SRSF4: variants seen among roughly 807,000 people sequenced by gnomAD.
SRSF4 encodes the protein serine and arginine rich splicing factor 4, also known as serine/arginine-rich splicing factor 4.
A neutral mutation model predicts 48.8 loss-of-function variants in SRSF4; 12 were observed. That is an observed-to-expected ratio of 0.25 (90% confidence interval 0.16 to 0.40). SRSF4 has a LOEUF of 0.40. SRSF4 is among the 10% of genes least tolerant of loss of function. The pLI is 1.00. For synonymous variants in SRSF4, 248 were observed against 232.5 expected (o/e 1.07, Z -0.61); for missense variants, 466 against 667.1 (o/e 0.70, Z 3.32).
intron 1 of SRSF4, chr1:29,170,286 T>C (rs1193375764): frequency 6.6e-6 from 1 of 152,180 alleles, no homozygotes; most frequent in Non-Finnish European, 1.5e-5. Context: ...CATTACCAAT[T>C]TAGAATAAAA....
At chr1:29,159,238 A>G (rs998348822) in intron 3 of SRSF4, 136 bp downstream of exon 3, 27 of 569,074 alleles carry the variant, frequency 4.7e-5, no homozygotes, top group Non-Finnish European at 7.6e-5. Context: ...ATGGCACTTT[A>G]ATTATTTCCA....
chr1:29,181,522 G>A (rs1464881865), intron 1 of SRSF4, 124 bp downstream of exon 1: 1 of 814,600 alleles, frequency 1.2e-6, no homozygotes, highest in East Asian at 3.2e-5. Flanking sequence ...CGCCACTATG[G>A]CGGAGCCTGG....
At chr1:29,156,785 G>A (rs551369474) in intron 3 of SRSF4, among the ~76,000 whole-genome samples, 3 of 152,324 alleles carry the variant, frequency 2.0e-5, no homozygotes, top group Admixed American at 2.0e-4. Context: ...TGGTGGCGAC[G>A]AAGGAATGAG....
chr1:29,154,151 GTTCAAGCAATT>G (rs770406756), intron 4 of SRSF4, among the ~76,000 whole-genome samples: 7 of 151,874 alleles, frequency 4.6e-5, no homozygotes, highest in Non-Finnish European at 7.4e-5. Context: ...CCCCTACTGG[GTTCAAGCAATT>G]TTCAAGCAAT....
At chr1:29,152,906 G>A (rs1258853213) in intron 4 of SRSF4, among the ~76,000 whole-genome samples, 6 of 138,676 alleles carry the variant, frequency 4.3e-5, no homozygotes, top group Non-Finnish European at 9.4e-5. Flanking sequence ...GTGACAGAGT[G>A]AAAGAAACTC....
intron 1 of SRSF4, chr1:29,169,847 A>G (rs891442486): frequency 6.6e-6 from 1 of 152,236 alleles, no homozygotes; most frequent in African/African-American, 2.4e-5. Flanking sequence ...GTAAAACTAA[A>G]TCCTCCCAGA....
chr1:29,176,060 G>A (rs521300), intron 1 of SRSF4, among the ~76,000 whole-genome samples: 25 of 152,176 alleles, frequency 1.6e-4, no homozygotes, highest in East Asian at 1.5e-3. Context: ...AGACCATCCT[G>A]CCTAACACGG....
At chr1:29,160,340 C>T (rs373583998) in intron 2 of SRSF4, 35 bp downstream of exon 2, 98 of 1,578,608 alleles carry the variant, frequency 6.2e-5, no homozygotes, top group Non-Finnish European at 7.9e-5. Context: ...AACAAAAGCA[C>T]GTTACTGATA....
At chr1:29,160,279 T>C in intron 2 of SRSF4, 96 bp downstream of exon 2, 1 of 1,356,944 alleles carries the variant, frequency 7.4e-7, no homozygotes, top group South Asian at 1.7e-5. Context: ...AGCTTAAACA[T>C]CAATACGTTT....
rs1343350761 is a variant in SRSF4 at position 29,148,406 on chromosome 1, C to A, written c.*4G>T. The A allele has an allele frequency of 6.3e-7, 1 of 1,580,658 alleles. No individual in the cohort carries two copies. The highest frequency in any genetic ancestry group is 1.8e-5 in the Admixed American group (1 of 55,922). ...CGGGTAGTTCCAGCTGTGGCCATAG[C>A]CAGTTAGGACCTTGAGTGGGACCTA... On this transcript the variant is annotated 3_prime_UTR_variant, in exon 6 of 6. Transcript: ENST00000373795.
Position 29,148,640 on chromosome 1 carries a change from T to C in SRSF4, c.1255A>G (p.Lys419Glu). 6.2e-7 allele frequency: 1 copy of C among 1,614,170 alleles called. No homozygotes were observed. Among genetic ancestry groups the C allele is most frequent in the Non-Finnish European group, 8.5e-7 (1 of 1,180,020 alleles). The change falls in exon 6 of 6, where the codon AAG (lysine) becomes GAG (glutamate). Residue 419 changes from lysine to glutamate, a missense_variant. Physicochemically the swap from Lys to Glu is moderately conservative, Grantham distance 56. Coordinates refer to ENST00000373795, the MANE Select transcript of SRSF4 (RefSeq NM_005626.5). ...CCTTCCCTCTGGCTGGATTCAGACT[T>C]GGCATGTTCCCGCTCCTTTGACACG... ...RSVSKEREHAKSESSQREGRG... is the reference protein window; with the variant it reads ...RSVSKEREHAESESSQREGRG...
chr1:29,148,759 T>C lies in SRSF4; in HGVS notation c.1136A>G (p.Lys379Arg). ...CTTGCTGTCTCGCTTGCTGCCTCGC[T>C]TTCTGCTCCTCTCACTCTTGCTGCG... ...RSRSKSERSR[K>R]RGSKRDSKAG... is the part of the protein sequence containing the mutation. Residue 379 changes from lysine (K) to arginine (R), a missense_variant, in exon 6 of 6, where the codon AAG becomes AGG. Lys to Arg is a conservative substitution (Grantham distance 26, BLOSUM62 2). Around this residue, in one of 2 missense-constraint regions of SRSF4, gnomAD observed 402 missense variants for 437.0 expected, o/e 0.92. Transcript: ENST00000373795. The C allele has an allele frequency of 6.2e-7, 1 of 1,613,670 alleles. No homozygotes were observed. The highest frequency in any genetic ancestry group is 1.1e-5 in the South Asian group (1 of 91,076).
intron 3 of SRSF4, among the ~76,000 whole-genome samples, chr1:29,157,102 C>T (rs1304352159): frequency 6.6e-6 from 1 of 152,116 alleles, no homozygotes; most frequent in African/African-American, 2.4e-5. Flanking sequence ...CATGTCTGGC[C>T]ACATTCCAGT....
chr1:29,161,482 G>A (rs1043328736), intron 1 of SRSF4, among the ~76,000 whole-genome samples: 10 of 152,114 alleles, frequency 6.6e-5, no homozygotes, highest in South Asian at 2.1e-4. Context: ...GTGTGTACAC[G>A]GGCACACAGA....
intron 3 of SRSF4, 148 bp from the exon 4 acceptor site, chr1:29,155,058 TGTACTGAG>T: frequency 1.4e-6 from 1 of 722,156 alleles, no homozygotes; most frequent in South Asian, 1.9e-5. Context: ...CCATCAATCA[TGTACTGAG>T]GTTCTTTAAA....
intron 4 of SRSF4, among the ~76,000 whole-genome samples, chr1:29,153,793 G>A (rs889271052): frequency 6.6e-6 from 1 of 151,502 alleles, no homozygotes; most frequent in African/African-American, 2.4e-5. Flanking sequence ...CAGTAGAGAC[G>A]GGGTTTCTCC....
rs1672557777 is a variant in SRSF4 at position 29,159,329 on chromosome 1, T to TA, written c.363+44dup. ...CACAAATCTACCTGTTTCCCAACTT[T>TA]AACTCCTGCCCAACCTTACCCCAAA... is the stretch of plus-strand genomic sequence containing the variant. On this transcript the variant is annotated intron_variant, in intron 3 of 5. Coordinates refer to ENST00000373795, the MANE Select transcript of SRSF4 (RefSeq NM_005626.5). 2.1e-6 allele frequency: 3 copies of TA among 1,416,114 alleles called. No homozygotes were observed. The East Asian group carries it at 6.8e-5, about 32-fold the overall frequency. 87.7% of individuals were successfully genotyped at this position (1,416,114 alleles called of 1,614,324 possible).
intron 4 of SRSF4, among the ~76,000 whole-genome samples, chr1:29,151,341 A>C (rs903870816): frequency 1.3e-5 from 2 of 152,228 alleles, no homozygotes; most frequent in Non-Finnish European, 2.9e-5. Context: ...TAAAAAACTA[A>C]GAAAAATAAG....
intron 1 of SRSF4, among the ~76,000 whole-genome samples, chr1:29,161,028 A>G (rs1470402131): frequency 1.3e-5 from 2 of 152,128 alleles, no homozygotes; most frequent in South Asian, 2.1e-4. Context: ...GTCACATGTG[A>G]TTATCAGTGA....
Sources: allele counts gnomAD v4.1 joint callset (sites outside exome capture counted in the v4.1 genomes callset), GRCh38; gene constraint gnomAD v4.1.1; regional missense constraint gnomAD v4.1.1; transcripts MANE v1.5; gene names NCBI Gene and HGNC (gene_info 2026-07-23, HGNC 2026-07-21).